The following SPAG16 variants were observed in gnomAD, a reference collection of about 807,000 sequenced individuals.
SPAG16 encodes the protein sperm associated antigen 16.
SPAG16 carries 86 observed loss-of-function variants against 80.4 expected under a neutral mutation model. The observed-to-expected ratio is 1.07, with a 90% CI of 0.90 to 1.28. The LOEUF is 1.28. Among genes scored for constraint, SPAG16 ranks in the 50% most tolerant of loss-of-function variants. The probability of loss-of-function intolerance (pLI) is 0.00; values close to 1 mark genes in which losing one functional copy is unlikely to be tolerated. For synonymous variants in SPAG16, 294 were observed against 265.9 expected, an observed-to-expected ratio of 1.11 and a Z score of -1.03; for missense variants, 870 against 765.3, an observed-to-expected ratio of 1.14 and a Z score of -1.61.
chr2:213,415,779 C>T (rs945258939), intron 9 of SPAG16, among the ~76,000 whole-genome samples: 3 of 152,116 alleles, frequency 2.0e-5, no homozygotes, highest in Non-Finnish European at 4.4e-5. Flanking sequence ...AGTAAAGCTG[C>T]TTGGTTAACT....
chr2:214,037,767 A>T (rs2048776255), intron 13 of SPAG16, among the ~76,000 whole-genome samples: 1 of 152,102 alleles, frequency 6.6e-6, no homozygotes, highest in Non-Finnish European at 1.5e-5. Context: ...ATTGAAAAGA[A>T]TAATTTTTCC....
rs1255070820 is a variant in SPAG16, at chr2:213,871,863, CACACACACACACACACAGAGAGAGAG to C, written c.1214+9237_1214+9262del. Among the ~76,000 whole-genome samples the C allele has an allele frequency of 2.4e-3, 132 of 56,122 alleles. 1 individual carries two copies. In the South Asian group the frequency reaches 0.13, roughly 55 times the overall value. The allele number at this position is 56,122 out of a possible 152,430, so 36.8% of individuals were successfully genotyped here. On this transcript the variant is annotated intron_variant, in intron 11 of 15. Transcript: ENST00000331683. Reference sequence around the variant, plus strand: ...TCACACACACACACACACACACACACACACACACACACACACAGAGAGAGAGAGAGAGAGAGCAAACAGCAGTAAAA... The same window carrying C: ...TCACACACACACACACACACACACACAGAGAGAGAGCAAACAGCAGTAAAA...
intron 10 of SPAG16, among the ~76,000 whole-genome samples, chr2:213,529,580 C>G (rs2076001131): frequency 6.6e-6 from 1 of 152,092 alleles, no homozygotes; most frequent in South Asian, 2.1e-4. Context: ...CTTACACAAA[C>G]CTAGATGATG....
At chr2:213,409,864 G>A (rs1453424591) in intron 9 of SPAG16, among the ~76,000 whole-genome samples, 1 of 151,966 alleles carries the variant, frequency 6.6e-6, no homozygotes, top group East Asian at 1.9e-4. Flanking sequence ...CACTTAAAAG[G>A]TCAATTTCTT....
At chr2:213,890,538 CT>C (rs1411419929) in intron 11 of SPAG16, among the ~76,000 whole-genome samples, 7 of 151,992 alleles carry the variant, frequency 4.6e-5, no homozygotes, top group African/African-American at 1.7e-4. Context: ...TTTCAAATAT[CT>C]TTATGAAAAA....
intron 14 of SPAG16, among the ~76,000 whole-genome samples, chr2:214,147,485 C>T (rs933123559): frequency 3.9e-5 from 6 of 152,166 alleles, no homozygotes; most frequent in African/African-American, 1.4e-4. Flanking sequence ...CCGATAAAAA[C>T]TTACCTACTC....
At chr2:213,712,542 C>G (rs2066046810) in intron 10 of SPAG16, among the ~76,000 whole-genome samples, 3 of 152,146 alleles carry the variant, frequency 2.0e-5, no homozygotes. Context: ...GTATCACACC[C>G]TCTACACGTA....
chr2:214,145,719 A>C (rs748654106), intron 14 of SPAG16, among the ~76,000 whole-genome samples: 8 of 152,152 alleles, frequency 5.3e-5, no homozygotes, highest in Non-Finnish European at 1.0e-4. Flanking sequence ...GGCATAATTA[A>C]ATTCATTTGA....
At chr2:213,901,751 C>A (rs893717905) in intron 11 of SPAG16, among the ~76,000 whole-genome samples, 23 of 151,902 alleles carry the variant, frequency 1.5e-4, no homozygotes, top group African/African-American at 5.3e-4. Context: ...AAGATACATA[C>A]CCAAGCAGCA....
intron 13 of SPAG16, among the ~76,000 whole-genome samples, chr2:214,042,289 A>G (rs2049077810): frequency 6.6e-6 from 1 of 151,736 alleles, no homozygotes. Context: ...TAAACCTTGG[A>G]TACCAAATTA....
chr2:214,334,619 C>G (rs1334643607), intron 15 of SPAG16, among the ~76,000 whole-genome samples: 1 of 152,180 alleles, frequency 6.6e-6, no homozygotes, highest in Non-Finnish European at 1.5e-5. Context: ...TTACCCTCAG[C>G]CTTTTATTAT....
intron 10 of SPAG16, among the ~76,000 whole-genome samples, chr2:213,613,318 A>G (rs1010243642): frequency 6.6e-6 from 1 of 152,240 alleles, no homozygotes; most frequent in Non-Finnish European, 1.5e-5. Context: ...TTAACTTAAA[A>G]TAAAAGCTGA....
chr2:214,020,830 A>G (rs927808367), intron 13 of SPAG16, among the ~76,000 whole-genome samples: 7 of 152,166 alleles, frequency 4.6e-5, no homozygotes, highest in Admixed American at 4.6e-4. Context: ...ACTATGTGGA[A>G]AATTCTTTTT....
At chr2:213,700,345 A>C (rs2065350680) in intron 10 of SPAG16, among the ~76,000 whole-genome samples, 1 of 152,216 alleles carries the variant, frequency 6.6e-6, no homozygotes, top group African/African-American at 2.4e-5. Flanking sequence ...GCTCACTTTA[A>C]AATCATCTAA....
At chr2:213,885,159 C>T (rs995597134) in intron 11 of SPAG16, among the ~76,000 whole-genome samples, 2 of 152,150 alleles carry the variant, frequency 1.3e-5, no homozygotes, top group Admixed American at 6.5e-5. Flanking sequence ...TTTTAGACAG[C>T]CAATATGCTC....
chr2:213,697,372 CAAAAT>C (rs1457252572), intron 10 of SPAG16, among the ~76,000 whole-genome samples: 3 of 152,046 alleles, frequency 2.0e-5, no homozygotes, highest in Non-Finnish European at 2.9e-5. Context: ...TAGAGTGAGA[CAAAAT>C]AGAATTGCTG....
At chr2:213,638,622 T>G (rs1239454996) in intron 10 of SPAG16, among the ~76,000 whole-genome samples, 1 of 152,182 alleles carries the variant, frequency 6.6e-6, no homozygotes, top group South Asian at 2.1e-4. Context: ...TGATATAATT[T>G]TATTTTCTTA....
At chr2:213,958,985 C>T (rs2044283913) in intron 12 of SPAG16, among the ~76,000 whole-genome samples, 1 of 152,148 alleles carries the variant, frequency 6.6e-6, no homozygotes, top group South Asian at 2.1e-4. Context: ...CTGGGAATGT[C>T]ATACTTTTTC....
At chr2:213,610,664 A>G (rs1309852591) in intron 10 of SPAG16, among the ~76,000 whole-genome samples, 1 of 152,174 alleles carries the variant, frequency 6.6e-6, no homozygotes, top group African/African-American at 2.4e-5. Context: ...GTTTATTAAA[A>G]AAGTAAAGTG....
Sources: gnomAD v4.1 joint callset for allele counts (sites outside exome capture counted in the v4.1 genomes callset) on GRCh38, gnomAD v4.1.1 for gene constraint, MANE v1.5 for transcripts, NCBI Gene and HGNC (gene_info 2026-07-23, HGNC 2026-07-21) for gene names.